The following SNTG1 variants were observed in gnomAD, a reference collection of about 807,000 sequenced individuals.
The protein encoded by SNTG1 is syntrophin gamma 1, also known as gamma-1-syntrophin.
Under a neutral mutation model 74.7 loss-of-function variants are expected in SNTG1, and 39 were observed. That is an observed-to-expected ratio of 0.52 (90% CI 0.40 to 0.68). SNTG1 has a LOEUF of 0.68. Ranked by LOEUF, SNTG1 falls within the 30% of genes least tolerant of loss-of-function variation. SNTG1 has a pLI of 0.00. For synonymous variants in SNTG1, 254 were observed against 217.1 expected (o/e 1.17, Z -1.49); for missense variants, 685 against 609.5 (o/e 1.12, Z -1.30).
chr8:50,431,605 C>A (rs954282768), intron 4 of SNTG1, among the ~76,000 whole-genome samples: 4 of 152,176 alleles, frequency 2.6e-5, no homozygotes, highest in African/African-American at 9.6e-5. Context: ...CTAGGGTTAG[C>A]TTTGTAAGAA....
intron 1 of SNTG1, among the ~76,000 whole-genome samples, chr8:49,957,403 A>T (rs545541578): frequency 1.3e-5 from 2 of 152,192 alleles, no homozygotes; most frequent in African/African-American, 4.8e-5. Context: ...GTTGTTGTTT[A>T]TCTTTATGTT....
At chr8:50,269,583 G>A (rs748332677) in intron 2 of SNTG1, among the ~76,000 whole-genome samples, 20 of 152,066 alleles carry the variant, frequency 1.3e-4, no homozygotes, top group Non-Finnish European at 2.1e-4. Flanking sequence ...GCAAAATTGC[G>A]TTTTAACATC....
At chr8:50,412,521 A>T (rs1330530577) in intron 4 of SNTG1, among the ~76,000 whole-genome samples, 1 of 152,188 alleles carries the variant, frequency 6.6e-6, no homozygotes, top group African/African-American at 2.4e-5. Context: ...AGTAAAAGAG[A>T]ATATGGTCTC....
At chr8:50,610,565 A>C (rs2094842708) in intron 13 of SNTG1, among the ~76,000 whole-genome samples, 1 of 152,258 alleles carries the variant, frequency 6.6e-6, no homozygotes, top group Admixed American at 6.5e-5. Context: ...CACTGTACCA[A>C]ACTGTGAATT....
At chr8:50,634,795 C>G (rs1333338869) in intron 13 of SNTG1, among the ~76,000 whole-genome samples, 1 of 152,096 alleles carries the variant, frequency 6.6e-6, no homozygotes, top group East Asian at 1.9e-4. Flanking sequence ...CATTTGCAGC[C>G]CCACCCTAAT....
intron 2 of SNTG1, among the ~76,000 whole-genome samples, chr8:50,323,591 A>T (rs2090615730): frequency 6.6e-6 from 1 of 152,114 alleles, no homozygotes; most frequent in African/African-American, 2.4e-5. Context: ...AAATTCTCTC[A>T]ATTACCAGCC....
intron 1 of SNTG1, among the ~76,000 whole-genome samples, chr8:49,996,282 C>A (rs1015906710): frequency 2.0e-5 from 3 of 151,808 alleles, no homozygotes; most frequent in Non-Finnish European, 4.4e-5. Context: ...AAATAACTTG[C>A]ATTACAATTC....
At chr8:50,334,169 T>A (rs546482967) in intron 2 of SNTG1, among the ~76,000 whole-genome samples, 1 of 152,254 alleles carries the variant, frequency 6.6e-6, no homozygotes, top group South Asian at 2.1e-4. Flanking sequence ...AGTGCCGGGA[T>A]TACAGGCCTG....
At chr8:50,748,561 G>T (rs943352606) in intron 17 of SNTG1, among the ~76,000 whole-genome samples, 2 of 151,994 alleles carry the variant, frequency 1.3e-5, no homozygotes, top group Non-Finnish European at 2.9e-5. Flanking sequence ...TTGCTTTATT[G>T]TCCTTCACAT....
chr8:50,791,236 G>A (rs915811005), intron 18 of SNTG1, among the ~76,000 whole-genome samples: 6 of 151,872 alleles, frequency 4.0e-5, no homozygotes, highest in African/African-American at 1.4e-4. Flanking sequence ...CATGACTAGT[G>A]CCACTGAAGC....
At chr8:49,958,141 G>A (rs1045782169) in intron 1 of SNTG1, among the ~76,000 whole-genome samples, 3 of 152,094 alleles carry the variant, frequency 2.0e-5, no homozygotes, top group African/African-American at 7.2e-5. Flanking sequence ...TGAGAGAGAA[G>A]CCATTTACTA....
chr8:50,756,814 A>G (rs1484218200), intron 18 of SNTG1, among the ~76,000 whole-genome samples: 2 of 151,654 alleles, frequency 1.3e-5, no homozygotes, highest in African/African-American at 4.8e-5. Flanking sequence ...TACTTGCTGG[A>G]ATTTTGATTG....
chr8:50,171,453 G>T (rs1432135524), intron 1 of SNTG1, among the ~76,000 whole-genome samples: 3 of 152,044 alleles, frequency 2.0e-5, no homozygotes, highest in Non-Finnish European at 4.4e-5. Flanking sequence ...ATGGTTTTCT[G>T]CCTGCTTTAT....
chr8:50,365,250 T>C (rs952455768), intron 2 of SNTG1, among the ~76,000 whole-genome samples: 6 of 152,148 alleles, frequency 3.9e-5, no homozygotes, highest in African/African-American at 1.4e-4. Flanking sequence ...TCAATGTCTT[T>C]AATTTTTGAT....
At chr8:50,540,214 T>C (rs1160532821) in intron 11 of SNTG1, among the ~76,000 whole-genome samples, 1 of 152,210 alleles carries the variant, frequency 6.6e-6, no homozygotes, top group Non-Finnish European at 1.5e-5. Flanking sequence ...TATTCATGTA[T>C]TTTAAAAAAT....
At chr8:50,662,962 T>C (rs1266663850) in intron 15 of SNTG1, among the ~76,000 whole-genome samples, 1 of 152,172 alleles carries the variant, frequency 6.6e-6, no homozygotes, top group Non-Finnish European at 1.5e-5. Flanking sequence ...TACAACAGTA[T>C]AAGAGAGTTG....
chr8:50,688,294 C>T (rs543542010), intron 15 of SNTG1, among the ~76,000 whole-genome samples: 37 of 152,246 alleles, frequency 2.4e-4, no homozygotes, highest in Non-Finnish European at 4.6e-4. Flanking sequence ...GCTTTTGTTG[C>T]CATTGCTTTT....
chr8:50,717,545 C>T (rs1316692650), intron 17 of SNTG1, among the ~76,000 whole-genome samples: 1 of 152,150 alleles, frequency 6.6e-6, no homozygotes, highest in African/African-American at 2.4e-5. Flanking sequence ...TTCCAGCTAG[C>T]CCATATTTCA....
chr8:50,105,105 T>C (rs1176462969), intron 1 of SNTG1, among the ~76,000 whole-genome samples: 1 of 152,108 alleles, frequency 6.6e-6, no homozygotes, highest in African/African-American at 2.4e-5. Flanking sequence ...CATCTTGAAA[T>C]CTTTGCCATA....
Sources: allele counts gnomAD v4.1 joint callset (sites outside exome capture counted in the v4.1 genomes callset), GRCh38; gene constraint gnomAD v4.1.1; transcripts MANE v1.5; gene names NCBI Gene and HGNC (gene_info 2026-07-23, HGNC 2026-07-21).